PTPRM: variants seen among roughly 807,000 people sequenced by gnomAD.
The protein encoded by PTPRM is protein tyrosine phosphatase receptor type M.
In PTPRM, 47 loss-of-function variants were observed where a neutral mutation model predicts 186.7. That is an observed-to-expected ratio of 0.25 (90% CI 0.20 to 0.32). PTPRM has a LOEUF of 0.32. PTPRM is among the 10% of genes least tolerant of loss of function. The pLI is 1.00. For synonymous variants in PTPRM, 668 were observed against 674.9 expected (o/e 0.99, Z 0.16); for missense variants, 1,494 against 1,865.0 (o/e 0.80, Z 3.66).
chr18:8,170,610 T>A (rs1359103147), intron 14 of PTPRM, among the ~76,000 whole-genome samples: 5 of 152,166 alleles, frequency 3.3e-5, no homozygotes, highest in Non-Finnish European at 7.4e-5. Flanking sequence ...TTCTGTGTAT[T>A]CTTACAAATA....
chr18:7,768,763 C>T (rs2042138937), intron 1 of PTPRM, among the ~76,000 whole-genome samples: 1 of 151,782 alleles, frequency 6.6e-6, no homozygotes, highest in Non-Finnish European at 1.5e-5. Context: ...TCTCCTGCCT[C>T]AGCCTCCCGA....
chr18:7,866,530 G>T (rs1233168974), intron 2 of PTPRM, among the ~76,000 whole-genome samples: 1 of 152,146 alleles, frequency 6.6e-6, no homozygotes, highest in African/African-American at 2.4e-5. Context: ...GTTCTAATTT[G>T]TCTGCACTGT....
At chr18:8,265,912 T>C (rs2094694903) in intron 19 of PTPRM, among the ~76,000 whole-genome samples, 1 of 152,110 alleles carries the variant, frequency 6.6e-6, no homozygotes, top group Non-Finnish European at 1.5e-5. Flanking sequence ...TTCTCATGGA[T>C]GGAATGTTTT....
intron 7 of PTPRM, among the ~76,000 whole-genome samples, chr18:7,965,033 CTT>C (rs569596603): frequency 0.19 from 22,137 of 119,308 alleles, 1,416 homozygotes; most frequent in Middle Eastern, 0.33. Context: ...CACTCTAACA[CTT>C]TTTTTTTTTT....
intron 22 of PTPRM, among the ~76,000 whole-genome samples, chr18:8,320,524 T>A (rs990676941): frequency 6.6e-6 from 1 of 152,216 alleles, no homozygotes; most frequent in Non-Finnish European, 1.5e-5. Flanking sequence ...ATACTTGAAA[T>A]ACAGCTACTA....
In PTPRM at chr18:7,568,849, C is replaced by T. The variant is rs916488448; in HGVS notation, c.73+958C>T. On this transcript the variant is annotated intron_variant, in intron 1 of 32. Transcript: ENST00000580170. The surrounding 1 kb of genome is among the most constrained non-coding windows in gnomAD (Gnocchi z 5.1). ...CCCGGCACGCTGTCACAGGGGTTTA[C>T]AACCAGGATGACCTTTATTACCTGG... Among the ~76,000 whole-genome samples, 1 of 152,172 alleles carries T rather than the reference C, an allele frequency of 6.6e-6. No homozygotes were observed. The highest frequency in any genetic ancestry group is 1.5e-5 in the Non-Finnish European group (1 of 68,034).
intron 7 of PTPRM, among the ~76,000 whole-genome samples, chr18:8,035,128 A>C (rs1712420745): frequency 6.6e-6 from 1 of 152,218 alleles, no homozygotes; most frequent in African/African-American, 2.4e-5. Context: ...TGGATAGCCG[A>C]GAATCTTCCA....
chr18:7,660,532 A>C (rs2038955211), intron 1 of PTPRM, among the ~76,000 whole-genome samples: 1 of 152,110 alleles, frequency 6.6e-6, no homozygotes, highest in African/African-American at 2.4e-5. Context: ...TCTATTCTAG[A>C]TTCTTTTCCT....
At chr18:7,699,132 T>TC (rs558418844) in intron 1 of PTPRM, among the ~76,000 whole-genome samples, 228 of 152,274 alleles carry the variant, frequency 1.5e-3, no homozygotes, top group African/African-American at 5.1e-3. Flanking sequence ...ATATGAGGGA[T>TC]CTAAGTTGTG....
At chr18:7,601,843 C>G (rs1461769513) in intron 1 of PTPRM, among the ~76,000 whole-genome samples, 1 of 152,142 alleles carries the variant, frequency 6.6e-6, no homozygotes, top group Non-Finnish European at 1.5e-5. Flanking sequence ...TTGCATTGTA[C>G]CCATTTCATA....
At chr18:7,574,997 A>T (rs552579337) in intron 1 of PTPRM, among the ~76,000 whole-genome samples, 1 of 152,326 alleles carries the variant, frequency 6.6e-6, no homozygotes. Context: ...GCGCCACTGC[A>T]CTCCAGTCTG....
rs180985187 is a variant in PTPRM at position 7,892,369 on chromosome 18, C to G, written c.468+3992C>G. 3.9e-5 allele frequency among the ~76,000 whole-genome samples: 6 copies of G among 152,294 alleles called. No individual in the cohort carries two copies. In the East Asian group the frequency reaches 1.2e-3, roughly 29 times the overall value. On this transcript the variant is annotated intron_variant, in intron 3 of 32. Coordinates refer to ENST00000580170, the MANE Select transcript of PTPRM (RefSeq NM_001105244.2). Reference sequence around the variant, plus strand: ...GCGGTTTATGAACAGTCTTGGAAGACCAGACTTTAAAAAGGAACTGTTAAA... The same window carrying G: ...GCGGTTTATGAACAGTCTTGGAAGAGCAGACTTTAAAAAGGAACTGTTAAA...
At chr18:7,848,695 T>C (rs2046716697) in intron 2 of PTPRM, among the ~76,000 whole-genome samples, 1 of 152,120 alleles carries the variant, frequency 6.6e-6, no homozygotes, top group Admixed American at 6.5e-5. Context: ...TCCGAGAGTT[T>C]AAGGCTGTAG....
chr18:7,574,191 G>C (rs892859119), intron 1 of PTPRM, among the ~76,000 whole-genome samples: 4 of 152,130 alleles, frequency 2.6e-5, no homozygotes, highest in African/African-American at 9.7e-5. Flanking sequence ...GATTAATACG[G>C]CCGGTATTAC....
At chr18:8,078,877 C>T (rs1206690373) in intron 9 of PTPRM, among the ~76,000 whole-genome samples, 2 of 152,144 alleles carry the variant, frequency 1.3e-5, no homozygotes, top group Non-Finnish European at 2.9e-5. Flanking sequence ...CAAGAATTCA[C>T]TCATCACCAA....
chr18:8,241,923 T>A (rs1437353747), intron 14 of PTPRM, among the ~76,000 whole-genome samples: 1 of 152,200 alleles, frequency 6.6e-6, no homozygotes, highest in Non-Finnish European at 1.5e-5. Context: ...TTACAGGGCT[T>A]CTTTTGTGCT....
chr18:8,364,302 G>A (rs1288638767), intron 23 of PTPRM, among the ~76,000 whole-genome samples: 1 of 152,140 alleles, frequency 6.6e-6, no homozygotes, highest in African/African-American at 2.4e-5. Flanking sequence ...TGAGAAAACA[G>A]GCTCGGGGTG....
At chr18:7,735,318 A>G (rs1226901411) in intron 1 of PTPRM, among the ~76,000 whole-genome samples, 11 of 152,018 alleles carry the variant, frequency 7.2e-5, no homozygotes, top group Admixed American at 7.2e-4. Flanking sequence ...TACTCGGGAG[A>G]CTGAGGCAGG....
chr18:7,732,499 T>G (rs957019792), intron 1 of PTPRM, among the ~76,000 whole-genome samples: 6 of 152,164 alleles, frequency 3.9e-5, no homozygotes, highest in Admixed American at 3.9e-4. Context: ...GATTTTTTAT[T>G]TTTAAAAATA....
Sources: gnomAD v4.1 joint callset for allele counts (sites outside exome capture counted in the v4.1 genomes callset) on GRCh38, gnomAD v4.1.1 for gene constraint, Gnocchi (gnomAD v3.1) non-coding constraint, MANE v1.5 for transcripts, NCBI Gene and HGNC (gene_info 2026-07-23, HGNC 2026-07-21) for gene names.